The following USP49 variants were observed in gnomAD, a reference collection of about 807,000 sequenced individuals.
The protein encoded by USP49 is ubiquitin specific peptidase 49, also known as ubiquitin carboxyl-terminal hydrolase 49.
A neutral mutation model predicts 58.6 loss-of-function variants in USP49; 24 were observed. That is an observed-to-expected ratio of 0.41 (90% CI 0.30 to 0.58). The LOEUF (loss-of-function observed/expected upper bound fraction) is 0.58, where lower values mean the gene tolerates loss of function less well. Ranked by LOEUF, USP49 falls within the 20% of genes least tolerant of loss-of-function variation. The probability of loss-of-function intolerance (pLI) is 0.30; values close to 1 mark genes in which losing one functional copy is unlikely to be tolerated. For missense variants in USP49, 703 were observed against 866.1 expected, an observed-to-expected ratio of 0.81 and a Z score of 2.36; for synonymous variants, 408 against 365.1, an observed-to-expected ratio of 1.12 and a Z score of -1.34.
chr6:41,832,873 C>T (rs1773658954), intron 3 of USP49: 1 of 152,180 alleles, frequency 6.6e-6, no homozygotes, highest in African/African-American at 2.4e-5. Context: ...ATGGTATCTG[C>T]ACTCAGTAGT....
chr6:41,874,725 G>A (rs1303761559), intron 2 of USP49, among the ~76,000 whole-genome samples: 1 of 152,196 alleles, frequency 6.6e-6, no homozygotes, highest in Non-Finnish European at 1.5e-5. Context: ...CACTTTGGGA[G>A]GCCAAGACAG....
chr6:41,806,227 T>C lies in USP49; in HGVS notation c.757A>G (p.Thr253Ala), dbSNP rs759413291. ...GTGTTGCCCAGGTTGCGCAGGCCCG[T>C]GACGCCTGGGGCCATGGCCGGCTGG... The part of the protein sequence containing the change: ...RRQPAMAPGV[T>A]GLRNLGNTCY... Residue 253 changes from threonine to alanine, a missense_variant, in exon 4 of 8, where the codon ACG becomes GCG. Thr to Ala is a moderately conservative substitution (Grantham distance 58, BLOSUM62 0). Coordinates refer to ENST00000682992, the MANE Select transcript of USP49 (RefSeq NM_001286554.2). This position sits in a 1 kb window ranked among gnomAD's most constrained non-coding sequence, Gnocchi z 5.9. The C allele has an allele frequency of 6.2e-7, 1 of 1,611,356 alleles. No homozygotes were observed. The highest frequency in any genetic ancestry group is 8.5e-7 in the Non-Finnish European group (1 of 1,180,002).
At chr6:41,854,000 G>GAAA (rs1314186814) in intron 3 of USP49, among the ~76,000 whole-genome samples, 17 of 113,086 alleles carry the variant, frequency 1.5e-4, no homozygotes, top group Non-Finnish European at 1.9e-4. Context: ...ACTCTGTCTC[G>GAAA]AAAAAAAAAA....
chr6:41,827,066 G>A (rs1408810515), intron 3 of USP49, among the ~76,000 whole-genome samples: 1 of 152,130 alleles, frequency 6.6e-6, no homozygotes, highest in Non-Finnish European at 1.5e-5. Flanking sequence ...ACATACCTCG[G>A]CTACAGGGAG....
intron 3 of USP49, among the ~76,000 whole-genome samples, chr6:41,867,396 C>T (rs749587131): frequency 1.3e-5 from 2 of 152,122 alleles, no homozygotes; most frequent in Non-Finnish European, 2.9e-5. Flanking sequence ...CTGCAAGTTT[C>T]TATGAATAGC....
At chr6:41,856,248 G>A (rs1774129671) in intron 3 of USP49, among the ~76,000 whole-genome samples, 1 of 151,638 alleles carries the variant, frequency 6.6e-6, no homozygotes, top group Non-Finnish European at 1.5e-5. Context: ...GGTGGCGGGC[G>A]CCTGTAGTCC....
chr6:41,803,691 T>G lies in USP49; in HGVS notation c.1561+115A>C. 3 of 1,148,904 alleles carry G rather than the reference T, an allele frequency of 2.6e-6. No homozygotes were observed. Among genetic ancestry groups the G allele is most frequent in the Non-Finnish European group, 3.8e-6 (3 of 791,910 alleles). The allele number at this position is 1,148,904 out of a possible 1,614,324, so 71.2% of individuals were successfully genotyped here. On this transcript the variant is annotated intron_variant, in intron 5 of 7. Coordinates refer to ENST00000682992, the MANE Select transcript of USP49 (RefSeq NM_001286554.2). The surrounding 1 kb of genome is among the most constrained non-coding windows in gnomAD (Gnocchi z 4.1). ...AGAAAAAGATCTTTAAAAGATGCTT[T>G]AGAACCATTCAATATCATTAGTGTT...
At chr6:41,818,518 A>G (rs573757580) in intron 3 of USP49, among the ~76,000 whole-genome samples, 1 of 152,292 alleles carries the variant, frequency 6.6e-6, no homozygotes, top group African/African-American at 2.4e-5. Flanking sequence ...ACTTGCTACA[A>G]CCTGGTGAGG....
intron 3 of USP49, among the ~76,000 whole-genome samples, chr6:41,824,639 G>A (rs1056673817): frequency 6.6e-6 from 1 of 152,162 alleles, no homozygotes; most frequent in African/African-American, 2.4e-5. Flanking sequence ...CTGGGAAGCA[G>A]AGGTTGTGGT....
Position 41,806,240 on chromosome 6 carries a change from C to T in USP49, c.744G>A (p.Met248Ile). 6.2e-7 allele frequency: 1 copy of T among 1,610,278 alleles called. No individual in the cohort carries two copies. Among genetic ancestry groups the T allele is most frequent in the South Asian group, 1.1e-5 (1 of 91,082 alleles). Residue 248 changes from methionine (M) to isoleucine (I), a missense_variant, in exon 4 of 8, where the codon ATG (methionine) becomes ATA (isoleucine). Met to Ile is a conservative substitution (Grantham distance 10, BLOSUM62 1). Coordinates refer to ENST00000682992, the MANE Select transcript of USP49 (RefSeq NM_001286554.2). The surrounding 1 kb of genome is among the most constrained non-coding windows in gnomAD (Gnocchi z 5.9). ...TGCGCAGGCCCGTGACGCCTGGGGC[C>T]ATGGCCGGCTGGCGACGCAGCTTGA... The part of the protein sequence containing the change: ...ATLKLRRQPA[M>I]APGVTGLRNL...
chr6:41,838,666 T>C (rs976456778), intron 3 of USP49, among the ~76,000 whole-genome samples: 1 of 152,098 alleles, frequency 6.6e-6, no homozygotes, highest in Non-Finnish European at 1.5e-5. Context: ...TCTACCCAAA[T>C]GAGAAGGAAT....
rs190993461 is a variant in USP49, at chr6:41,867,625, G to A, written c.-29+3939C>T. Among the ~76,000 whole-genome samples the A allele has an allele frequency of 3.0e-3, 450 of 150,528 alleles. 2 individuals are homozygous for A. The highest frequency in any genetic ancestry group is 0.011 in the African/African-American group (434 of 41,070). ...AAAAAAGCTAGGAGTGGTGGCGAGC[G>A]CCTGTAGTCCTAGCTACTCGGGAGG... On this transcript the variant is annotated intron_variant, in intron 3 of 7. Transcript: ENST00000682992.
intron 5 of USP49, among the ~76,000 whole-genome samples, chr6:41,801,311 G>A (rs970921091): frequency 2.0e-5 from 3 of 152,152 alleles, no homozygotes; most frequent in East Asian, 1.9e-4. Flanking sequence ...AAGAGCAGCT[G>A]GGCATCTGAT....
chr6:41,882,879 G>A (rs1342549698), intron 2 of USP49, among the ~76,000 whole-genome samples: 1 of 152,020 alleles, frequency 6.6e-6, no homozygotes, highest in Non-Finnish European at 1.5e-5. Flanking sequence ...TCGCACCACT[G>A]TACTCCAGCC....
chr6:41,798,673 C>G (rs1554142534), intron 7 of USP49, 51 bp downstream of exon 7: 1 of 1,613,006 alleles, frequency 6.2e-7, no homozygotes, highest in East Asian at 2.2e-5. Flanking sequence ...AAAATGTGGA[C>G]AAATCAACCC....
At chr6:41,826,986 A>T (rs1773549314) in intron 3 of USP49, among the ~76,000 whole-genome samples, 1 of 152,248 alleles carries the variant, frequency 6.6e-6, no homozygotes, top group Non-Finnish European at 1.5e-5. Context: ...TGATACCAAC[A>T]GTCACTAAAA....
At chr6:41,802,470 T>TTATTTTATTTTA (rs1443262365) in intron 5 of USP49, among the ~76,000 whole-genome samples, 10 of 85,640 alleles carry the variant, frequency 1.2e-4, no homozygotes, top group African/African-American at 4.6e-4. Context: ...ATTTATTTAT[T>TTATTTTATTTTA]TTTTATTTAT....
chr6:41,879,184 C>G (rs187840546), intron 2 of USP49, among the ~76,000 whole-genome samples: 26 of 152,264 alleles, frequency 1.7e-4, no homozygotes, highest in Admixed American at 1.5e-3. Flanking sequence ...TGCTTGAGGC[C>G]AGCAGTTTGA....
chr6:41,817,911 G>A (rs969043735), intron 3 of USP49, among the ~76,000 whole-genome samples: 7 of 152,064 alleles, frequency 4.6e-5, no homozygotes, highest in Non-Finnish European at 7.4e-5. Flanking sequence ...CCACTTCACC[G>A]GGCCACTCCC....
Sources: gnomAD v4.1 joint callset for allele counts (sites outside exome capture counted in the v4.1 genomes callset) on GRCh38, gnomAD v4.1.1 for gene constraint, Gnocchi (gnomAD v3.1) non-coding constraint, MANE v1.5 for transcripts, NCBI Gene and HGNC (gene_info 2026-07-23, HGNC 2026-07-21) for gene names.